The following ARID1B variants were observed in gnomAD, a reference collection of about 807,000 sequenced individuals.
The protein encoded by ARID1B is AT-rich interactive domain-containing protein 1B.
In ARID1B, 30 loss-of-function variants were observed where a neutral mutation model predicts 212.3. That is an observed-to-expected ratio of 0.14 (90% CI 0.11 to 0.19). The LOEUF (loss-of-function observed/expected upper bound fraction) is 0.19. Ranked by LOEUF, ARID1B falls within the 10% of genes least tolerant of loss-of-function variation. The pLI is 1.00. For missense variants in ARID1B, 2,891 were observed against 3,204.0 expected, an observed-to-expected ratio of 0.90 and a Z score of 2.36; for synonymous variants, 1,402 against 1,301.7, an observed-to-expected ratio of 1.08 and a Z score of -1.66.
intron 3 of ARID1B, among the ~76,000 whole-genome samples, chr6:156,911,127 G>A (rs1029476894): frequency 6.6e-6 from 1 of 152,190 alleles, no homozygotes; most frequent in African/African-American, 2.4e-5. Context: ...TGGCAACTCA[G>A]ATGTCTCCAG....
At chr6:156,958,135 G>A (rs1405301619) in intron 4 of ARID1B, among the ~76,000 whole-genome samples, 1 of 152,108 alleles carries the variant, frequency 6.6e-6, no homozygotes, top group Non-Finnish European at 1.5e-5. Context: ...ACTGCACACG[G>A]CAGTCTACCA....
chr6:156,804,167 C>G (rs1178962522), intron 1 of ARID1B, among the ~76,000 whole-genome samples: 1 of 152,006 alleles, frequency 6.6e-6, no homozygotes, highest in East Asian at 1.9e-4. Flanking sequence ...GAAACCCCAT[C>G]TCTACCAGAA....
At chr6:157,121,331 G>A (rs866400202) in intron 6 of ARID1B, among the ~76,000 whole-genome samples, 4 of 151,972 alleles carry the variant, frequency 2.6e-5, no homozygotes, top group East Asian at 1.9e-4. Context: ...CCTTTATGTC[G>A]TCTACCCCCA....
At chr6:156,776,587 G>T (rs543564990), upstream of ARID1B, 2 of 152,336 alleles carry the variant, frequency 1.3e-5, no homozygotes, top group East Asian at 3.9e-4. Flanking sequence ...TCATGTGAAA[G>T]TTGGCGCAGA....
chr6:157,037,845 C>T (rs760735294), intron 4 of ARID1B, among the ~76,000 whole-genome samples: 2 of 152,118 alleles, frequency 1.3e-5, no homozygotes, highest in Admixed American at 6.5e-5. Context: ...GACTGGCAAC[C>T]GCAGTGTGCA....
At position 157,035,655 on chromosome 6, in the gene ARID1B, A is replaced by G. The variant is rs9322594; in HGVS notation, c.2248-49007A>G. ...ACATTTCAGTCTTTAGCCTAAAATC[A>G]TATTTGGTATCAGCAACATATGGTT... On this transcript the variant is annotated intron_variant, in intron 4 of 19. Coordinates refer to ENST00000636930, the MANE Select transcript of ARID1B (RefSeq NM_001374828.1). Among the ~76,000 whole-genome samples, 631 of 152,358 alleles carry G rather than the reference A, an allele frequency of 4.1e-3. 3 individuals carry two copies. The highest frequency in any genetic ancestry group is 0.015 in the African/African-American group (609 of 41,582).
intron 4 of ARID1B, among the ~76,000 whole-genome samples, chr6:157,009,661 A>G (rs1382194679): frequency 1.3e-5 from 2 of 152,272 alleles, no homozygotes; most frequent in African/African-American, 2.4e-5. Flanking sequence ...GAGACATTTC[A>G]CTAATGTTTA....
intron 2 of ARID1B, among the ~76,000 whole-genome samples, chr6:156,851,798 GA>G (rs1379270113): frequency 6.6e-6 from 1 of 152,208 alleles, no homozygotes; most frequent in Non-Finnish European, 1.5e-5. Flanking sequence ...CACATACTCA[GA>G]GCTGATTTGG....
chr6:156,911,838 C>G (rs1025215588), intron 3 of ARID1B, among the ~76,000 whole-genome samples: 1 of 152,060 alleles, frequency 6.6e-6, no homozygotes, highest in African/African-American at 2.4e-5. Context: ...CTCAAAACCA[C>G]GAGCAGGCAT....
chr6:157,143,488 G>T (rs558035501), intron 7 of ARID1B, among the ~76,000 whole-genome samples: 2 of 91,202 alleles, frequency 2.2e-5, no homozygotes, highest in African/African-American at 4.9e-5. Context: ...TTAAAAGATG[G>T]GGGGGGTGAT....
intron 3 of ARID1B, among the ~76,000 whole-genome samples, chr6:156,923,775 G>C (rs1164089051): frequency 6.6e-6 from 1 of 151,302 alleles, no homozygotes; most frequent in Non-Finnish European, 1.5e-5. Context: ...TACAATCTCG[G>C]CTCACTGCAT....
rs189233661 is a variant in ARID1B at position 157,123,186 on chromosome 6, G to T, written c.2582-9842G>T. Among the ~76,000 whole-genome samples the T allele has an allele frequency of 1.1e-3, 148 of 140,356 alleles. 1 individual carries two copies. The highest frequency in any genetic ancestry group is 5.1e-3 in the South Asian group (19 of 3,692). The allele number at this position is 140,356 out of a possible 152,430, so 92.1% of individuals were successfully genotyped here. On this transcript the variant is annotated intron_variant, in intron 6 of 19. Transcript: ENST00000636930. ...GATGGGGATTTTGAGATCTTTCTCTGTCTCTGTCTCTGTCTCTCTCTCAAT... is the reference window on the plus strand; with the variant it reads ...GATGGGGATTTTGAGATCTTTCTCTTTCTCTGTCTCTGTCTCTCTCTCAAT...
chr6:156,777,353 T>C (rs1310674716), upstream of ARID1B: 2 of 151,472 alleles, frequency 1.3e-5, no homozygotes. Flanking sequence ...GGATAATAGT[T>C]GCTCGAGCTC....
At chr6:157,046,846 A>G (rs995654895) in intron 4 of ARID1B, among the ~76,000 whole-genome samples, 2 of 152,236 alleles carry the variant, frequency 1.3e-5, no homozygotes, top group African/African-American at 2.4e-5. Flanking sequence ...CTCAAAGAGA[A>G]AATGTAACCT....
At chr6:157,157,295 G>A (rs1033806373) in intron 8 of ARID1B, among the ~76,000 whole-genome samples, 1 of 152,188 alleles carries the variant, frequency 6.6e-6, no homozygotes, top group Non-Finnish European at 1.5e-5. Flanking sequence ...GATCGTCACA[G>A]CGAGAACCAG....
chr6:156,840,709 T>A (rs1250648491), intron 2 of ARID1B, among the ~76,000 whole-genome samples: 22 of 152,222 alleles, frequency 1.4e-4, no homozygotes, highest in Admixed American at 1.4e-3. Flanking sequence ...TTAATGCTGC[T>A]TTTAGATTCC....
intron 3 of ARID1B, among the ~76,000 whole-genome samples, chr6:156,914,191 C>G (rs1447934250): frequency 6.6e-6 from 1 of 151,520 alleles, no homozygotes; most frequent in South Asian, 2.1e-4. Context: ...CTCTACTCCC[C>G]AGCTCCCAGC....
chr6:156,854,350 C>T (rs1225016485), intron 2 of ARID1B, among the ~76,000 whole-genome samples: 1 of 152,128 alleles, frequency 6.6e-6, no homozygotes, highest in Non-Finnish European at 1.5e-5. Context: ...TTGACTTGTA[C>T]TTGGGGACTT....
chr6:157,098,446 T>C (rs74917189), intron 5 of ARID1B, among the ~76,000 whole-genome samples: 8,369 of 152,226 alleles, frequency 0.055, 347 homozygotes, highest in Non-Finnish European at 0.086. Flanking sequence ...CAGTAGACCT[T>C]GGAATTGTAT....
Sources: allele counts gnomAD v4.1 joint callset (sites outside exome capture counted in the v4.1 genomes callset), GRCh38; gene constraint gnomAD v4.1.1; transcripts MANE v1.5; gene names NCBI Gene and HGNC (gene_info 2026-07-23, HGNC 2026-07-21).